The following PCCA variants were observed in gnomAD, a reference collection of about 807,000 sequenced individuals.
PCCA encodes the protein propionyl-CoA carboxylase alpha chain, mitochondrial.
Under a neutral mutation model 101.3 loss-of-function variants are expected in PCCA, and 74 were observed. That is an observed-to-expected ratio of 0.73 (90% CI 0.61 to 0.89). The LOEUF (loss-of-function observed/expected upper bound fraction) is 0.89, where lower values mean the gene tolerates loss of function less well. Ranked by LOEUF, PCCA falls within the 40% of genes least tolerant of loss-of-function variation. PCCA has a pLI of 0.00. For missense variants in PCCA, 891 were observed against 907.0 expected (o/e 0.98, Z 0.23); for synonymous variants, 294 against 313.6 (o/e 0.94, Z 0.66).
chr13:100,275,050 A>AG (rs2063547726), intron 12 of PCCA, among the ~76,000 whole-genome samples: 3 of 850 alleles, frequency 3.5e-3, no homozygotes, highest in Admixed American at 0.011. Flanking sequence ...CCCTTGGGGG[A>AG]GGGGGTGGGG....
rs372045834 is a variant in PCCA at position 100,341,502 on chromosome 13, C to T, written c.1643+1243C>T. ...ATGGAAGAATCCTTTTCAAAGTTAC[C>T]GGAAACGTGGCTACATTTCAACTGT... On this transcript the variant is annotated intron_variant, in intron 18 of 23. Coordinates refer to ENST00000376285, the MANE Select transcript of PCCA (RefSeq NM_000282.4). Among the ~76,000 whole-genome samples, 5 of 152,144 alleles carry T rather than the reference C, an allele frequency of 3.3e-5. No homozygotes were observed. The South Asian group carries it at 1.0e-3, about 32-fold the overall frequency.
chr13:100,162,003 T>C (rs1173227142), intron 6 of PCCA, among the ~76,000 whole-genome samples: 1 of 152,154 alleles, frequency 6.6e-6, no homozygotes, highest in Non-Finnish European at 1.5e-5. Flanking sequence ...TCTTTCCATC[T>C]TTGAACCTTC....
intron 22 of PCCA, among the ~76,000 whole-genome samples, chr13:100,522,903 T>C (rs1475775111): frequency 6.6e-6 from 1 of 152,260 alleles, no homozygotes; most frequent in Admixed American, 6.5e-5. Flanking sequence ...TTTCATGCTT[T>C]TATTCCAAAT....
At chr13:100,201,028 C>T (rs943778687) in intron 6 of PCCA, among the ~76,000 whole-genome samples, 4 of 152,060 alleles carry the variant, frequency 2.6e-5, no homozygotes, top group African/African-American at 9.7e-5. Flanking sequence ...TTGTCTTGTC[C>T]TGTGCTATAC....
chr13:100,172,902 G>A (rs899313898), intron 6 of PCCA, among the ~76,000 whole-genome samples: 18 of 152,176 alleles, frequency 1.2e-4, no homozygotes, highest in Middle Eastern at 3.4e-3. Flanking sequence ...TTTGAACCCC[G>A]TCATTACCAT....
At chr13:100,190,557 C>T (rs2057669538) in intron 6 of PCCA, among the ~76,000 whole-genome samples, 1 of 152,036 alleles carries the variant, frequency 6.6e-6, no homozygotes, top group Non-Finnish European at 1.5e-5. Flanking sequence ...TACCTGTAGT[C>T]CCAGCTACTT....
intron 19 of PCCA, among the ~76,000 whole-genome samples, chr13:100,371,210 A>G (rs1051781106): frequency 1.3e-5 from 2 of 152,202 alleles, no homozygotes; most frequent in Non-Finnish European, 2.9e-5. Context: ...CTTTTGGTAC[A>G]GATGTATACA....
chr13:100,307,310 A>G lies in PCCA; in HGVS notation c.1353+50A>G, dbSNP rs149021224. 386 of 1,236,416 alleles carry G rather than the reference A, an allele frequency of 3.1e-4. 1 individual carries two copies. The East Asian group carries it at 8.4e-3, about 27-fold the overall frequency. 76.6% of individuals were successfully genotyped at this position (1,236,416 alleles called of 1,614,324 possible). On this transcript the variant is annotated intron_variant, in intron 15 of 23. Coordinates refer to ENST00000376285, the MANE Select transcript of PCCA (RefSeq NM_000282.4). The stretch of plus-strand genomic sequence containing the variant: ...ATTTGATTTCTTCGAAAAATCAATG[A>G]TATTTAAAGAGTCTGAAACTGGGCC...
chr13:100,139,181 A>T (rs915951574), intron 4 of PCCA, among the ~76,000 whole-genome samples: 1 of 151,744 alleles, frequency 6.6e-6, no homozygotes, highest in Non-Finnish European at 1.5e-5. Flanking sequence ...TTTTGTCTTT[A>T]ATTTTCAGTG....
At chr13:100,500,457 A>G (rs1438275648) in intron 21 of PCCA, among the ~76,000 whole-genome samples, 2 of 152,214 alleles carry the variant, frequency 1.3e-5, no homozygotes, top group African/African-American at 4.8e-5. Context: ...TAAATTTTCT[A>G]AGACTTGTTA....
At chr13:100,420,226 G>A (rs764213083) in intron 19 of PCCA, among the ~76,000 whole-genome samples, 3 of 152,140 alleles carry the variant, frequency 2.0e-5, no homozygotes, top group Non-Finnish European at 4.4e-5. Context: ...CTCAAACAGA[G>A]GTATGTGAGC....
intron 16 of PCCA, among the ~76,000 whole-genome samples, chr13:100,329,015 A>G (rs1441801370): frequency 6.8e-6 from 1 of 147,738 alleles, no homozygotes; most frequent in Admixed American, 6.8e-5. Flanking sequence ...TTTTTGGTCC[A>G]AATGGTTAGC....
At position 100,468,803 on chromosome 13, in the gene PCCA, T is replaced by A. The variant is rs141362331; in HGVS notation, c.1899+19498T>A. Among the ~76,000 whole-genome samples the A allele has an allele frequency of 1.6e-3, 250 of 152,238 alleles. 2 individuals carry two copies. The highest frequency in any genetic ancestry group is 5.4e-3 in the African/African-American group (225 of 41,534). On this transcript the variant is annotated intron_variant, in intron 21 of 23. Transcript: ENST00000376285. Reference sequence around the variant, plus strand: ...ACTTTGGGAGGCCGAGAGGGGCGGATCACTTGAGGTCAGGAGTTCGAGACC... The same window carrying A: ...ACTTTGGGAGGCCGAGAGGGGCGGAACACTTGAGGTCAGGAGTTCGAGACC...
At chr13:100,327,750 C>T (rs2152727485) in intron 16 of PCCA, among the ~76,000 whole-genome samples, 1 of 152,234 alleles carries the variant, frequency 6.6e-6, no homozygotes, top group Non-Finnish European at 1.5e-5. Context: ...TCACTTTGGC[C>T]ATGTAAATCG....
intron 14 of PCCA, 33 bp from the exon 15 acceptor site, chr13:100,307,159 A>C: frequency 6.7e-7 from 1 of 1,493,770 alleles, no homozygotes; most frequent in Non-Finnish European, 9.3e-7. Flanking sequence ...ACACAATATG[A>C]ATTACTTTTC....
chr13:100,307,834 A>G (rs1451908202), intron 15 of PCCA, among the ~76,000 whole-genome samples: 1 of 152,124 alleles, frequency 6.6e-6, no homozygotes, highest in Non-Finnish European at 1.5e-5. Context: ...TGCTGTAATA[A>G]TTAAGATTGT....
At chr13:100,307,953 G>A (rs539015035) in intron 15 of PCCA, among the ~76,000 whole-genome samples, 189 of 152,300 alleles carry the variant, frequency 1.2e-3, no homozygotes, top group African/African-American at 4.2e-3. Flanking sequence ...CCGCCTCCCA[G>A]GTTCAAGCGA....
At chr13:100,328,598 C>T (rs2069028431) in intron 16 of PCCA, among the ~76,000 whole-genome samples, 1 of 150,642 alleles carries the variant, frequency 6.6e-6, no homozygotes, top group Non-Finnish European at 1.5e-5. Context: ...ATTTTTTCCT[C>T]CATATTTTCT....
At chr13:100,202,165 A>AC (rs1471880616) in intron 6 of PCCA, among the ~76,000 whole-genome samples, 1 of 96,964 alleles carries the variant, frequency 1.0e-5, no homozygotes, top group African/African-American at 4.3e-5. Flanking sequence ...CTCCATCTCT[A>AC]CCCAAAAAAA....
Sources: gnomAD v4.1 joint callset for allele counts (sites outside exome capture counted in the v4.1 genomes callset) on GRCh38, gnomAD v4.1.1 for gene constraint, MANE v1.5 for transcripts, NCBI Gene and HGNC (gene_info 2026-07-23, HGNC 2026-07-21) for gene names.